CSGALNACT1: variants seen among roughly 807,000 people sequenced by gnomAD.
CSGALNACT1 encodes the protein beta4GalNAcT-1.
In CSGALNACT1, 52 loss-of-function variants were observed where a neutral mutation model predicts 51.0. The observed-to-expected ratio is 1.02, with a 90% CI of 0.82 to 1.29. The LOEUF (loss-of-function observed/expected upper bound fraction) is 1.29. CSGALNACT1 is among the 50% of genes most tolerant of loss of function. The pLI is 0.00. For missense variants in CSGALNACT1, 935 were observed against 679.2 expected, an observed-to-expected ratio of 1.38 and a Z score of -4.19; for synonymous variants, 341 against 254.4, an observed-to-expected ratio of 1.34 and a Z score of -3.24.
rs2059692723 is a variant in CSGALNACT1 at position 19,431,811 on chromosome 8, TTCTTTTTTTTTTTAATTAAA to T, written c.953+7999_953+8018del. Among the ~76,000 whole-genome samples the T allele has an allele frequency of 4.4e-5, 5 of 112,904 alleles. No individual in the cohort carries two copies. In the South Asian group the frequency reaches 1.5e-3, roughly 34 times the overall value. The allele number at this position is 112,904 out of a possible 152,430, so 74.1% of individuals were successfully genotyped here. A position where few individuals can be genotyped will look rare whatever the true frequency, so the allele number is the denominator to read the frequency against. ...GCTTTCCTCTGTGGAAAGTTCTTTTTTCTTTTTTTTTTTAATTAAATCAATCCATTTGCTTGTTATAAGTC... is the reference window on the plus strand; with the variant it reads ...GCTTTCCTCTGTGGAAAGTTCTTTTTTCAATCCATTTGCTTGTTATAAGTC... On this transcript the variant is annotated intron_variant, in intron 6 of 9. Transcript: ENST00000454498.
At chr8:19,661,990 C>T (rs1315814760) in intron 1 of CSGALNACT1, among the ~76,000 whole-genome samples, 1 of 150,398 alleles carries the variant, frequency 6.6e-6, no homozygotes, top group Non-Finnish European at 1.5e-5. Flanking sequence ...GTTCACTATC[C>T]TGGGATAAGA....
At chr8:19,479,616 G>A (rs2070779686) in intron 4 of CSGALNACT1, among the ~76,000 whole-genome samples, 3 of 152,134 alleles carry the variant, frequency 2.0e-5, no homozygotes, top group Admixed American at 2.0e-4. Flanking sequence ...TATAAGAAGT[G>A]CTGTTCTAAC....
chr8:19,680,052 T>C (rs2060483149), intron 1 of CSGALNACT1, among the ~76,000 whole-genome samples: 1 of 152,112 alleles, frequency 6.6e-6, no homozygotes, highest in African/African-American at 2.4e-5. Flanking sequence ...CTTAACAAAT[T>C]ACTTGTTTGA....
At chr8:19,607,288 C>G (rs2051527006), upstream of CSGALNACT1, among the ~76,000 whole-genome samples, 1 of 152,110 alleles carries the variant, frequency 6.6e-6, no homozygotes, top group Non-Finnish European at 1.5e-5. Context: ...CACAAGCTAA[C>G]TGGAGATATA....
chr8:19,617,178 C>A (rs1179151001), intron 1 of CSGALNACT1, among the ~76,000 whole-genome samples: 2 of 152,170 alleles, frequency 1.3e-5, no homozygotes, highest in African/African-American at 2.4e-5. Flanking sequence ...AGGGTTAACA[C>A]TTCTATGAGA....
chr8:19,533,147 C>T (rs2083105825), intron 3 of CSGALNACT1, among the ~76,000 whole-genome samples: 1 of 152,206 alleles, frequency 6.6e-6, no homozygotes, highest in East Asian at 1.9e-4. Flanking sequence ...GACAAGGTCT[C>T]CCTCTGTCAC....
chr8:19,656,784 T>C (rs919558082), intron 1 of CSGALNACT1, among the ~76,000 whole-genome samples: 2 of 152,218 alleles, frequency 1.3e-5, no homozygotes, highest in Admixed American at 6.5e-5. Context: ...TCAAACCATG[T>C]AGGCCAGATG....
At chr8:19,480,296 G>T (rs1306512308) in intron 4 of CSGALNACT1, among the ~76,000 whole-genome samples, 2 of 152,170 alleles carry the variant, frequency 1.3e-5, no homozygotes, top group Admixed American at 1.3e-4. Context: ...ACCAGTGTGT[G>T]TTGTTGCCCT....
chr8:19,620,777 C>T (rs993236227), intron 1 of CSGALNACT1, among the ~76,000 whole-genome samples: 38 of 152,032 alleles, frequency 2.5e-4, no homozygotes, highest in African/African-American at 8.9e-4. Context: ...TTTAAGATAT[C>T]CTCAGTTAAG....
intron 3 of CSGALNACT1, among the ~76,000 whole-genome samples, chr8:19,550,607 C>T (rs374648692): frequency 2.6e-5 from 4 of 152,104 alleles, no homozygotes; most frequent in East Asian, 3.9e-4. Flanking sequence ...ATCTTGGTGA[C>T]GATCCTCAAA....
At chr8:19,473,538 G>C (rs1467669466) in intron 4 of CSGALNACT1, among the ~76,000 whole-genome samples, 1 of 152,206 alleles carries the variant, frequency 6.6e-6, no homozygotes, top group African/African-American at 2.4e-5. Context: ...GCCTAACCCT[G>C]GCTTCACCAC....
chr8:19,507,528 GAAAA>G lies in CSGALNACT1; in HGVS notation c.-296-1402_-296-1399del, dbSNP rs35759799. On this transcript the variant is annotated intron_variant, in intron 3 of 9. Coordinates refer to ENST00000454498, the Ensembl canonical transcript of CSGALNACT1. ...TGTCTTCCCCTACCCATCTTAGCCAGAAAAAAAAAAAAAAAAAAAAAAAAGAATG... is the reference window on the plus strand; with the variant it reads ...TGTCTTCCCCTACCCATCTTAGCCAGAAAAAAAAAAAAAAAAAAAAGAATG... 1.6e-3 allele frequency among the ~76,000 whole-genome samples: 123 copies of G among 74,876 alleles called. 1 individual carries two copies. The highest frequency in any genetic ancestry group is 5.3e-3 in the South Asian group (12 of 2,258). 49.1% of individuals were successfully genotyped at this position (74,876 alleles called of 152,430 possible). A position where few individuals can be genotyped will look rare whatever the true frequency, so the allele number is the denominator to read the frequency against.
intron 6 of CSGALNACT1, among the ~76,000 whole-genome samples, chr8:19,436,625 G>T (rs2060418469): frequency 6.6e-6 from 1 of 152,158 alleles, no homozygotes; most frequent in Non-Finnish European, 1.5e-5. Flanking sequence ...TACTATGGGA[G>T]GCTGGGTGTA....
intron 1 of CSGALNACT1, among the ~76,000 whole-genome samples, chr8:19,639,130 A>G (rs995835067): frequency 2.6e-4 from 40 of 152,318 alleles, no homozygotes; most frequent in African/African-American, 8.9e-4. Flanking sequence ...AAAGTACAAA[A>G]TTAAAGAGGC....
intron 1 of CSGALNACT1, among the ~76,000 whole-genome samples, chr8:19,637,778 G>A (rs1202788642): frequency 6.6e-6 from 1 of 151,678 alleles, no homozygotes; most frequent in Non-Finnish European, 1.5e-5. Flanking sequence ...ACTGACAAGG[G>A]AAATTACAAC....
chr8:19,404,929 T>C (rs1020435702), exon 10 of CSGALNACT1: 10 of 454,070 alleles, frequency 2.2e-5, no homozygotes, highest in African/African-American at 4.0e-5. Flanking sequence ...AACCATTCCT[T>C]CCCTATGTCT....
intron 3 of CSGALNACT1, among the ~76,000 whole-genome samples, chr8:19,512,258 C>T (rs149743020): frequency 2.0e-5 from 3 of 152,312 alleles, no homozygotes; most frequent in South Asian, 2.1e-4. Flanking sequence ...TAGCAAGGAA[C>T]AGAGGCAGGC....
intron 9 of CSGALNACT1, among the ~76,000 whole-genome samples, chr8:19,407,096 G>C (rs976563936): frequency 9.2e-5 from 14 of 152,172 alleles, no homozygotes; most frequent in African/African-American, 3.1e-4. Context: ...AAGAACACCT[G>C]CTGTTAGTTG....
chr8:19,656,216 A>T (rs1309633211), intron 1 of CSGALNACT1, among the ~76,000 whole-genome samples: 1 of 152,244 alleles, frequency 6.6e-6, no homozygotes, highest in Non-Finnish European at 1.5e-5. Context: ...ATCAACAAGC[A>T]GCATGGCTGT....
Sources: gnomAD v4.1 joint callset for allele counts (sites outside exome capture counted in the v4.1 genomes callset) on GRCh38, gnomAD v4.1.1 for gene constraint, MANE v1.5 for transcripts, NCBI Gene and HGNC (gene_info 2026-07-23, HGNC 2026-07-21) for gene names.